DBNL: variants seen among roughly 807,000 people sequenced by gnomAD.
DBNL encodes drebrin-like protein.
Under a neutral mutation model 62.2 loss-of-function variants are expected in DBNL, and 35 were observed. The observed-to-expected ratio is 0.56, with a 90% CI of 0.43 to 0.75. The LOEUF (loss-of-function observed/expected upper bound fraction) is 0.75. DBNL is among the 30% of genes least tolerant of loss of function. The pLI, the probability that DBNL is intolerant of heterozygous loss-of-function variation, is 0.00. For synonymous variants in DBNL, 197 were observed against 218.0 expected (o/e 0.90, Z 0.85); for missense variants, 495 against 578.4 (o/e 0.86, Z 1.48).
At position 44,059,561 on chromosome 7, in the gene DBNL, C is replaced by A; in HGVS notation, c.950C>A (p.Pro317Gln). 1.2e-6 allele frequency: 2 copies of A among 1,612,630 alleles called. No homozygotes were observed. The highest frequency in any genetic ancestry group is 8.5e-7 in the Non-Finnish European group (1 of 1,179,852). Reference protein sequence around the residue: ...RPRADLPAEEPAPSTPPCLVQ... With the variant: ...RPRADLPAEEQAPSTPPCLVQ... ...GGTGCAGATCTCCCTGCTGAGGAGC[C>A]GGCGCCCAGCACTCCTCCATGTCTG... The change falls in exon 11 of 13, where the codon CCG becomes CAG. Residue 317 changes from proline to glutamine, a missense_variant. Pro to Gln is a moderately conservative substitution (Grantham distance 76). Coordinates refer to ENST00000448521, the MANE Select transcript of DBNL (RefSeq NM_001014436.3). This position sits in a 1 kb window ranked among gnomAD's most constrained non-coding sequence, Gnocchi z 4.1.
chr7:44,053,987 AT>A (rs1183496508), intron 4 of DBNL, among the ~76,000 whole-genome samples: 2 of 151,964 alleles, frequency 1.3e-5, no homozygotes, highest in African/African-American at 2.4e-5. Context: ...AGAATCTGAG[AT>A]TTTTTGAGTG....
chr7:44,055,467 GA>G (rs1399954160), intron 4 of DBNL, among the ~76,000 whole-genome samples: 2 of 152,022 alleles, frequency 1.3e-5, no homozygotes, highest in Admixed American at 6.6e-5. Flanking sequence ...CTCTGTCTCA[GA>G]AAAAAACCCA....
At chr7:44,052,782 G>C in intron 3 of DBNL, 85 bp from the exon 4 acceptor site, 1 of 1,524,410 alleles carries the variant, frequency 6.6e-7, no homozygotes. Context: ...CTCTTTTCTG[G>C]GACACAGGGT....
Position 44,056,795 on chromosome 7 carries a change from T to C in DBNL, c.366T>C (p.Asp122=). Residue 122 remains aspartate, a synonymous_variant, in exon 5 of 13, where the codon GAT becomes GAC. Transcript: ENST00000448521. ...HVTINARAEE[D]VEPECIMEKV... ...CCATCAACGCACGGGCCGAGGAGGA[T>C]GTGGAGCCTGAGTGCATCATGGAGA... The C allele has an allele frequency of 1.9e-6, 3 of 1,614,012 alleles. No individual in the cohort carries two copies. Among genetic ancestry groups the C allele is most frequent in the African/African-American group, 1.3e-5 (1 of 75,020 alleles).
In DBNL at chr7:44,065,252, C is replaced by T. The variant is rs13310406; in HGVS notation, c.*4336C>T. 9.9e-6 allele frequency: 16 copies of T among 1,613,864 alleles called. No homozygotes were observed. The African/African-American group carries it at 2.1e-4, about 22-fold the overall frequency. On this transcript the variant is annotated 3_prime_UTR_variant, in exon 13 of 13. Coordinates refer to ENST00000448521, the MANE Select transcript of DBNL (RefSeq NM_001014436.3). ...TGCCTTGTTGAGGCCTGTGAGGCCCCCGTAATGCCGCTCATTGAGGCGCCA... is the reference window on the plus strand; with the variant it reads ...TGCCTTGTTGAGGCCTGTGAGGCCCTCGTAATGCCGCTCATTGAGGCGCCA...
In DBNL at chr7:44,064,793, G is replaced by GGCCCCCCCCCCCCCC; in HGVS notation, c.*3877_*3878insGCCCCCCCCCCCCCC. On this transcript the variant is annotated 3_prime_UTR_variant, in exon 13 of 13. Coordinates refer to ENST00000448521, the MANE Select transcript of DBNL (RefSeq NM_001014436.3). ...AGATGAGAAGCCAGCTGGGGCTGCT[G>GGCCCCCCCCCCCCCC]CCCACCCACCCTGCCCAGGCTCCTG... is the stretch of plus-strand genomic sequence containing the variant. 1.3e-5 allele frequency: 15 copies of GGCCCCCCCCCCCCCC among 1,136,902 alleles called. No individual in the cohort carries two copies. The highest frequency in any genetic ancestry group is 1.5e-5 in the African/African-American group (1 of 66,160). The allele number at this position is 1,136,902 out of a possible 1,614,324, so 70.4% of individuals were successfully genotyped here.
chr7:44,052,998 G>C (rs117034355), intron 4 of DBNL, 57 bp downstream of exon 4: 4 of 1,578,506 alleles, frequency 2.5e-6, no homozygotes, highest in Non-Finnish European at 2.6e-6. Context: ...TTGAGGTCTC[G>C]CAGGTTCCTG....
chr7:44,057,147 G>A (rs1271139774), intron 5 of DBNL, among the ~76,000 whole-genome samples: 1 of 152,262 alleles, frequency 6.6e-6, no homozygotes, highest in Non-Finnish European at 1.5e-5. Context: ...TGTGTGGTCA[G>A]AGTGGAGGCT....
chr7:44,065,066 A>G lies in DBNL; in HGVS notation c.*4150A>G, dbSNP rs1347362744. The G allele has an allele frequency of 6.2e-7, 1 of 1,610,740 alleles. No homozygotes were observed. Among genetic ancestry groups the G allele is most frequent in the Admixed American group, 1.7e-5 (1 of 59,964 alleles). ...TCCCAAGCCAGTGGGCCCCCACCCG[A>G]CTCCCCACTCTGCAGCTTCCCAGAG... is the stretch of plus-strand genomic sequence containing the variant. On this transcript the variant is annotated 3_prime_UTR_variant, in exon 13 of 13. Coordinates refer to ENST00000448521, the MANE Select transcript of DBNL (RefSeq NM_001014436.3).
intron 8 of DBNL, 154 bp downstream of exon 8, chr7:44,058,634 G>C (rs1562655950): frequency 9.1e-7 from 1 of 1,102,388 alleles, no homozygotes; most frequent in Non-Finnish European, 1.3e-6. Context: ...GGTGGCAGTA[G>C]AGAGGAAAGC....
rs569607233 is a variant in DBNL, at chr7:44,058,085, G to A, written c.553-44G>A. ...TCAGTCCTGGGCAGGGGATTAGGCT[G>A]AAGTGGCAGCATAGGGCTGAGCGGG... On this transcript the variant is annotated intron_variant, in intron 6 of 12. Coordinates refer to ENST00000448521, the MANE Select transcript of DBNL (RefSeq NM_001014436.3). The A allele has an allele frequency of 1.4e-5, 21 of 1,548,068 alleles. No homozygotes were observed. In the East Asian group the frequency reaches 4.9e-4, roughly 36 times the overall value.
chr7:44,051,014 G>C (rs1433654415), intron 2 of DBNL: 3 of 152,276 alleles, frequency 2.0e-5, no homozygotes, highest in African/African-American at 7.3e-5. Context: ...CCATTGAACA[G>C]TAGACATGTG....
At chr7:44,045,249 T>C (rs2096114981) in intron 1 of DBNL, among the ~76,000 whole-genome samples, 1 of 152,146 alleles carries the variant, frequency 6.6e-6, no homozygotes, top group East Asian at 1.9e-4. Flanking sequence ...TTGCAAACGC[T>C]GTGTTCGGGG....
Position 44,065,477 on chromosome 7 carries a change from T to G in DBNL, c.*4561T>G. On this transcript the variant is annotated 3_prime_UTR_variant, in exon 13 of 13. Coordinates refer to ENST00000448521, the MANE Select transcript of DBNL (RefSeq NM_001014436.3). ...GAACCAGCCACAGAAACGGTTCTCC[T>G]GGTTCCATGTGCTCTCGCCGTGCCG... The G allele has an allele frequency of 6.2e-7, 1 of 1,614,148 alleles. No individual in the cohort carries two copies. Among genetic ancestry groups the G allele is most frequent in the Non-Finnish European group, 8.5e-7 (1 of 1,180,038 alleles).
chr7:44,057,913 G>T, intron 6 of DBNL, 54 bp downstream of exon 6: 1 of 1,610,562 alleles, frequency 6.2e-7, no homozygotes, highest in Non-Finnish European at 8.5e-7. Flanking sequence ...GCTTGCTGTG[G>T]CTCATCTTTC....
rs138483013 is a variant in DBNL, at chr7:44,063,359, A to G, written c.*2443A>G. The G allele has an allele frequency of 6.9e-3, 1,732 of 250,338 alleles. 41 individuals are homozygous for G. Among genetic ancestry groups the G allele is most frequent in the African/African-American group, 0.037 (1,638 of 44,318 alleles). The allele number at this position is 250,338 out of a possible 1,614,324, so 15.5% of individuals were successfully genotyped here. ...GAGTGCAGTGGCACGATCTTGGCTC[A>G]CTGCAACCTCCATCTCCTGGGTTGA... is the stretch of plus-strand genomic sequence containing the variant. On this transcript the variant is annotated 3_prime_UTR_variant, in exon 13 of 13. Coordinates refer to ENST00000448521, the MANE Select transcript of DBNL (RefSeq NM_001014436.3).
intron 1 of DBNL, among the ~76,000 whole-genome samples, chr7:44,045,043 G>C (rs953203105): frequency 6.6e-6 from 1 of 152,180 alleles, no homozygotes; most frequent in Non-Finnish European, 1.5e-5. Context: ...ACCCGGCTTG[G>C]GGGGACCCAG....
Position 44,058,210 on chromosome 7 carries a change from C to T in DBNL, c.634C>T (p.Arg212Cys), listed in dbSNP as rs753525011. The T allele has an allele frequency of 1.0e-4, 163 of 1,565,364 alleles. No homozygotes were observed. The highest frequency in any genetic ancestry group is 5.7e-4 in the Middle Eastern group (3 of 5,304). The change falls in exon 7 of 13, where the codon CGT becomes TGT. Residue 212 changes from arginine to cysteine, a missense_variant. By Grantham distance (180) the Arg-to-Cys change is radical. Coordinates refer to ENST00000448521, the MANE Select transcript of DBNL (RefSeq NM_001014436.3). ...QRQLEQERRE[R>C]ELREAARREQ... ...GCAGCTGGAGCAGGAGCGCCGGGAG[C>T]GTGAGCTGCGTGAGGCTGCACGCCG...
chr7:44,049,587 AG>A (rs2088893425), intron 1 of DBNL, among the ~76,000 whole-genome samples: 2 of 152,220 alleles, frequency 1.3e-5, no homozygotes, highest in African/African-American at 4.8e-5. Flanking sequence ...GGGGCTTGGC[AG>A]GTTCATGGCT....
Sources: gnomAD v4.1 joint callset for allele counts (sites outside exome capture counted in the v4.1 genomes callset) on GRCh38, gnomAD v4.1.1 for gene constraint, Gnocchi (gnomAD v3.1) non-coding constraint, MANE v1.5 for transcripts, NCBI Gene and HGNC (gene_info 2026-07-23, HGNC 2026-07-21) for gene names.